ESRP1: variants seen among roughly 807,000 people sequenced by gnomAD.
ESRP1 encodes RNA-binding motif protein 35A.
ESRP1 carries 33 observed loss-of-function variants against 81.7 expected under a neutral mutation model. That is an observed-to-expected ratio of 0.40 (90% CI 0.31 to 0.54). The LOEUF (loss-of-function observed/expected upper bound fraction) is 0.54. ESRP1 is among the 20% of genes least tolerant of loss of function. The probability of loss-of-function intolerance (pLI) is 0.41; values close to 1 mark genes in which losing one functional copy is unlikely to be tolerated. For missense variants in ESRP1, 672 were observed against 833.1 expected (o/e 0.81, Z 2.38); for synonymous variants, 320 against 303.3 (o/e 1.06, Z -0.57).
intron 9 of ESRP1, 107 bp from the exon 10 acceptor site, chr8:94,667,842 C>A: frequency 1.1e-6 from 1 of 940,648 alleles, no homozygotes; most frequent in Non-Finnish European, 1.6e-6. Flanking sequence ...GAGTATGGGT[C>A]TTCATTATGA....
Position 94,643,732 on chromosome 8 carries a change from A to G in ESRP1, c.375+316A>G, listed in dbSNP as rs1364114229. On this transcript the variant is annotated intron_variant, in intron 3 of 15. Coordinates refer to ENST00000433389, the MANE Select transcript of ESRP1 (RefSeq NM_017697.4). ...TAAAATAGTCTCTTTGTTTACGTCC[A>G]ATTTTCAAGATGCATGACACTTCCC... is the stretch of plus-strand genomic sequence containing the variant. 5.9e-5 allele frequency among the ~76,000 whole-genome samples: 5 copies of G among 84,090 alleles called. No homozygotes were observed. The Admixed American group carries it at 7.9e-4, about 13-fold the overall frequency. 55.2% of individuals were successfully genotyped at this position (84,090 alleles called of 152,430 possible).
chr8:94,689,340 T>C (rs1391946640), intron 13 of ESRP1, among the ~76,000 whole-genome samples: 2 of 152,016 alleles, frequency 1.3e-5, no homozygotes, highest in Non-Finnish European at 2.9e-5. Flanking sequence ...TAACAATGTT[T>C]TGTAGTTTTC....
At chr8:94,648,712 G>T (rs1478964997) in intron 4 of ESRP1, among the ~76,000 whole-genome samples, 1 of 152,174 alleles carries the variant, frequency 6.6e-6, no homozygotes, top group Non-Finnish European at 1.5e-5. Flanking sequence ...AGGGAAAGGG[G>T]CTTCTGTAAA....
At chr8:94,669,505 A>G (rs1002659323) in intron 10 of ESRP1, among the ~76,000 whole-genome samples, 1 of 152,176 alleles carries the variant, frequency 6.6e-6, no homozygotes, top group Non-Finnish European at 1.5e-5. Flanking sequence ...TTGAAATTCT[A>G]AATTATTTTT....
At chr8:94,674,573 T>G in intron 12 of ESRP1, 67 bp downstream of exon 12, 1 of 1,427,072 alleles carries the variant, frequency 7.0e-7, no homozygotes, top group South Asian at 1.4e-5. Flanking sequence ...GCTGCTTTCG[T>G]AACTTTCTGT....
At chr8:94,647,104 G>A (rs1817891023) in intron 4 of ESRP1, among the ~76,000 whole-genome samples, 1 of 152,100 alleles carries the variant, frequency 6.6e-6, no homozygotes, top group African/African-American at 2.4e-5. Flanking sequence ...TCATTTTCAG[G>A]AATTAAAACC....
At chr8:94,666,568 A>G (rs527428807) in intron 9 of ESRP1, among the ~76,000 whole-genome samples, 1 of 152,330 alleles carries the variant, frequency 6.6e-6, no homozygotes, top group East Asian at 1.9e-4. Context: ...ACTGTGTAAA[A>G]GAACATTTGT....
chr8:94,671,767 T>A, intron 11 of ESRP1, 96 bp downstream of exon 11: 1 of 736,122 alleles, frequency 1.4e-6, no homozygotes, highest in Non-Finnish European at 2.1e-6. Context: ...TAGAAATATC[T>A]AATATTAGAT....
intron 4 of ESRP1, among the ~76,000 whole-genome samples, chr8:94,652,286 C>G (rs1253377282): frequency 6.6e-6 from 1 of 152,070 alleles, no homozygotes; most frequent in Non-Finnish European, 1.5e-5. Context: ...CTGCGCCTGG[C>G]CCTCAACACA....
At chr8:94,685,158 T>C (rs1471744171) in intron 13 of ESRP1, among the ~76,000 whole-genome samples, 1 of 152,166 alleles carries the variant, frequency 6.6e-6, no homozygotes, top group Non-Finnish European at 1.5e-5. Context: ...AATGTTTGTA[T>C]TTTGTGATTA....
At chr8:94,690,103 C>T (rs1809328079) in intron 13 of ESRP1, among the ~76,000 whole-genome samples, 1 of 150,112 alleles carries the variant, frequency 6.7e-6, no homozygotes, top group Non-Finnish European at 1.5e-5. Context: ...CAGGCGTGAG[C>T]CACCGTGCCC....
chr8:94,668,980 A>G (rs2130631456), intron 10 of ESRP1, among the ~76,000 whole-genome samples: 1 of 152,076 alleles, frequency 6.6e-6, no homozygotes, highest in African/African-American at 2.4e-5. Context: ...TTTAATGGAG[A>G]TGGGGTTTCG....
intron 9 of ESRP1, among the ~76,000 whole-genome samples, chr8:94,666,771 G>T (rs959384602): frequency 4.2e-4 from 63 of 149,362 alleles, no homozygotes; most frequent in African/African-American, 1.4e-3. Context: ...ATTGTTAGGG[G>T]TCAAATATAT....
In ESRP1 at chr8:94,641,632, C is replaced by A. The variant is rs558415277; in HGVS notation, c.132+182C>A. 9.1e-5 allele frequency: 78 copies of A among 853,104 alleles called. No homozygotes were observed. In the South Asian group the frequency reaches 1.3e-3, roughly 14 times the overall value. The allele number at this position is 853,104 out of a possible 1,614,324, so 52.8% of individuals were successfully genotyped here. A position where few individuals can be genotyped will look rare whatever the true frequency, so the allele number is the denominator to read the frequency against. On this transcript the variant is annotated intron_variant, in intron 1 of 15. Coordinates refer to ENST00000433389, the MANE Select transcript of ESRP1 (RefSeq NM_017697.4). Reference sequence around the variant, plus strand: ...AACTTATTGGCCAACTGCCTTGGAGCCATTTCAGTCCTCCGCAACTTAGCT... The same window carrying A: ...AACTTATTGGCCAACTGCCTTGGAGACATTTCAGTCCTCCGCAACTTAGCT...
At position 94,646,218 on chromosome 8, in the gene ESRP1, A is replaced by T; in HGVS notation, c.426A>T (p.Glu142Asp). 6.2e-7 allele frequency: 1 copy of T among 1,613,036 alleles called. No individual in the cohort carries two copies. Among genetic ancestry groups the T allele is most frequent in the African/African-American group, 1.3e-5 (1 of 75,016 alleles). ...ATTCCTTTTTTGATCTTCGAAAAGA[A>T]TTCAAGAAATGTTGCCCTGGTTCAC... ...CFYSFFDLRKEFKKCCPGSPD... is the reference protein window; with the variant it reads ...CFYSFFDLRKDFKKCCPGSPD... Residue 142 changes from glutamate to aspartate, a missense_variant, in exon 4 of 16, where the codon GAA (glutamate) becomes GAT (aspartate). Glu to Asp is a conservative substitution (Grantham distance 45, BLOSUM62 2). Transcript: ENST00000433389.
intron 14 of ESRP1, among the ~76,000 whole-genome samples, chr8:94,695,506 C>A (rs1166460176): frequency 1.3e-5 from 2 of 150,718 alleles, no homozygotes; most frequent in African/African-American, 4.9e-5. Flanking sequence ...ACGTGTGCCA[C>A]CAAGCCTGGC....
At chr8:94,644,438 A>T (rs1156384129) in intron 3 of ESRP1, among the ~76,000 whole-genome samples, 1 of 152,240 alleles carries the variant, frequency 6.6e-6, no homozygotes, top group Non-Finnish European at 1.5e-5. Context: ...AGTTTGAAGG[A>T]GTAACTCAAG....
intron 10 of ESRP1, among the ~76,000 whole-genome samples, chr8:94,670,622 A>G (rs1477752124): frequency 2.0e-5 from 3 of 152,220 alleles, no homozygotes; most frequent in Non-Finnish European, 4.4e-5. Context: ...TTGCCTAAGG[A>G]CTTCTAGTAT....
At chr8:94,664,184 C>T (rs754904502) in intron 6 of ESRP1, among the ~76,000 whole-genome samples, 27 of 137,746 alleles carry the variant, frequency 2.0e-4, no homozygotes, top group Admixed American at 4.8e-4. Flanking sequence ...AGTGCAGTGG[C>T]ACAATCTCAG....
Sources: gnomAD v4.1 joint callset for allele counts (sites outside exome capture counted in the v4.1 genomes callset) on GRCh38, gnomAD v4.1.1 for gene constraint, MANE v1.5 for transcripts, NCBI Gene and HGNC (gene_info 2026-07-23, HGNC 2026-07-21) for gene names.